The following KALRN variants were observed in gnomAD, a reference collection of about 807,000 sequenced individuals.
KALRN encodes kalirin RhoGEF kinase.
KALRN carries 70 observed loss-of-function variants against 353.7 expected under a neutral mutation model. The observed-to-expected ratio is 0.20, with a 90% CI of 0.16 to 0.24. The LOEUF (loss-of-function observed/expected upper bound fraction) is 0.24. Ranked by LOEUF, KALRN falls within the 10% of genes least tolerant of loss-of-function variation. KALRN has a pLI of 1.00. For missense variants in KALRN, 2,791 were observed against 3,756.7 expected (o/e 0.74, Z 6.72); for synonymous variants, 1,391 against 1,434.8 (o/e 0.97, Z 0.69).
At chr3:124,138,444 G>A (rs1050851104) in intron 1 of KALRN, among the ~76,000 whole-genome samples, 3 of 152,140 alleles carry the variant, frequency 2.0e-5, no homozygotes, top group Non-Finnish European at 2.9e-5. Flanking sequence ...GGGTTCTGGT[G>A]CTCAGAATAT....
rs532654267 is a variant in KALRN at position 124,134,728 on chromosome 3, C to T, written c.74-93262C>T. Reference sequence around the variant, plus strand: ...AAAGTGGGTTAAGGACATGAATAGACGATTCTCAAAAGAAGATACACAAAT... The same window carrying T: ...AAAGTGGGTTAAGGACATGAATAGATGATTCTCAAAAGAAGATACACAAAT... On this transcript the variant is annotated intron_variant, in intron 1 of 59. Transcript: ENST00000682506. Among the ~76,000 whole-genome samples the T allele has an allele frequency of 8.5e-5, 13 of 152,148 alleles. No individual in the cohort carries two copies. The East Asian group carries it at 1.7e-3, about 20-fold the overall frequency.
rs1491113771 is a variant in KALRN at position 124,701,386 on chromosome 3, TTC to T, written c.7997-650_7997-649del. 4.2e-3 allele frequency among the ~76,000 whole-genome samples: 498 copies of T among 118,234 alleles called. 13 individuals are homozygous for T. Among genetic ancestry groups the T allele is most frequent in the Middle Eastern group, 0.021 (5 of 242 alleles). The allele number at this position is 118,234 out of a possible 152,430, so 77.6% of individuals were successfully genotyped here. A position where few individuals can be genotyped will look rare whatever the true frequency, so the allele number is the denominator to read the frequency against. ...TAATTTTTTCTTTTTCTTTCTTTCTTTCTTTTTTTTTTTTTTTTGGAGACAGG... is the reference window on the plus strand; with the variant it reads ...TAATTTTTTCTTTTTCTTTCTTTCTTTTTTTTTTTTTTTTTTGGAGACAGG... On this transcript the variant is annotated intron_variant, in intron 56 of 59. Transcript: ENST00000682506.
chr3:124,711,683 T>C lies in KALRN; in HGVS notation c.8076-1252T>C, dbSNP rs754718009. Among the ~76,000 whole-genome samples, 47 of 152,196 alleles carry C rather than the reference T, an allele frequency of 3.1e-4. 1 individual carries two copies. Among genetic ancestry groups the C allele is most frequent in the Non-Finnish European group, 8.8e-5 (6 of 68,038 alleles). ...TGGGTAATTTTGTCAGATGCAATAA[T>C]GGCAGAGTGGTTGTATATTTCTAAG... is the stretch of plus-strand genomic sequence containing the variant. On this transcript the variant is annotated intron_variant, in intron 57 of 59. Transcript: ENST00000682506.
chr3:124,192,372 C>G (rs983875447), intron 1 of KALRN, among the ~76,000 whole-genome samples: 3 of 151,778 alleles, frequency 2.0e-5, no homozygotes, highest in Admixed American at 1.3e-4. Flanking sequence ...TTACTAGAGG[C>G]TGGGAAAGGT....
In KALRN at chr3:124,674,397, A is replaced by G. The variant is rs558112961; in HGVS notation, c.6976A>G (p.Met2326Val). ...DLGGCNGTSSMAVIKDYYALK... is the reference protein window; with the variant it reads ...DLGGCNGTSSVAVIKDYYALK... ...GGGAGGCTGCAATGGGACCTCGTCC[A>G]TGGCCGTGATCAAAGATTACTATGC... Residue 2326 changes from methionine to valine, a missense_variant, in exon 49 of 60, where the codon ATG becomes GTG. Met to Val is a conservative substitution (Grantham distance 21). This residue lies in a region of KALRN where 1,065 missense variants were observed against 1,156.4 expected (regional missense o/e 0.92). Coordinates refer to ENST00000682506, the MANE Select transcript of KALRN (RefSeq NM_001388419.1). The G allele has an allele frequency of 1.2e-6, 2 of 1,613,846 alleles. No individual in the cohort carries two copies. The highest frequency in any genetic ancestry group is 1.7e-6 in the Non-Finnish European group (2 of 1,179,940).
At position 124,264,873 on chromosome 3, in the gene KALRN, G is replaced by A. The variant is rs1289329073; in HGVS notation, c.456+183G>A. On this transcript the variant is annotated intron_variant, in intron 4 of 59. Transcript: ENST00000682506. ...ATGGGGAGGAACAAGAGGCTCACGA[G>A]ATTGTCCCAAATGCACACCTTCATT... 5.3e-5 allele frequency among the ~76,000 whole-genome samples: 8 copies of A among 152,204 alleles called. No individual in the cohort carries two copies. In the East Asian group the frequency reaches 1.5e-3, roughly 29 times the overall value.
chr3:124,638,761 G>A (rs2081662178), intron 37 of KALRN, among the ~76,000 whole-genome samples: 1 of 152,086 alleles, frequency 6.6e-6, no homozygotes, highest in Non-Finnish European at 1.5e-5. Flanking sequence ...CTCCAATGGG[G>A]GGGTGCCCTC....
chr3:124,035,779 A>G (rs1007466087), intron 1 of KALRN, among the ~76,000 whole-genome samples: 2 of 152,258 alleles, frequency 1.3e-5, no homozygotes, highest in Non-Finnish European at 2.9e-5. Context: ...GACTGGGGTC[A>G]GTCTCCTGTG....
intron 5 of KALRN, among the ~76,000 whole-genome samples, chr3:124,281,895 A>T (rs1174372840): frequency 6.6e-6 from 1 of 152,240 alleles, no homozygotes; most frequent in Non-Finnish European, 1.5e-5. Context: ...AAAACCTGTG[A>T]ACACTGAGCT....
intron 51 of KALRN, among the ~76,000 whole-genome samples, chr3:124,690,925 T>C (rs1262083003): frequency 6.6e-6 from 1 of 152,200 alleles, no homozygotes; most frequent in Non-Finnish European, 1.5e-5. Context: ...CGAATAAGAC[T>C]TAATTACTGG....
At chr3:124,414,352 C>T (rs2092377057) in intron 14 of KALRN, among the ~76,000 whole-genome samples, 1 of 152,184 alleles carries the variant, frequency 6.6e-6, no homozygotes, top group South Asian at 2.1e-4. Context: ...ATCCCTGCTG[C>T]CAGCACGCAT....
At chr3:124,279,728 G>A (rs1240607145) in intron 5 of KALRN, among the ~76,000 whole-genome samples, 1 of 152,224 alleles carries the variant, frequency 6.6e-6, no homozygotes, top group East Asian at 1.9e-4. Flanking sequence ...CGAGTACTGT[G>A]CCAGGGATGG....
intron 57 of KALRN, among the ~76,000 whole-genome samples, chr3:124,703,041 C>G (rs376194473): frequency 6.6e-6 from 1 of 152,066 alleles, no homozygotes; most frequent in East Asian, 1.9e-4. Context: ...GATCCTTCCC[C>G]CCGGATGTAT....
In KALRN at chr3:124,666,497, G is replaced by A. The variant is rs201076232; in HGVS notation, c.6394G>A (p.Val2132Met). The A allele has an allele frequency of 1.1e-5, 18 of 1,613,938 alleles. No homozygotes were observed. The highest frequency in any genetic ancestry group is 5.5e-5 in the South Asian group (5 of 91,076). Residue 2132 changes from valine (V) to methionine (M), a missense_variant, in exon 46 of 60, where the codon GTG (valine) becomes ATG (methionine). By Grantham distance (21) the Val-to-Met change is conservative. Transcript: ENST00000682506. Reference sequence around the variant, plus strand: ...GCTGCTGCAGCAGGACACATTCTATGTGATCGAGCTGGATGCAGGCATGCA... The same window carrying A: ...GCTGCTGCAGCAGGACACATTCTATATGATCGAGCTGGATGCAGGCATGCA... ...GKLLQQDTFY[V>M]IELDAGMQSR...
rs763702249 is a variant in KALRN, at chr3:124,650,880, C to T, written c.5737C>T (p.Pro1913Ser). ...AGCLNEGMAPPTPPKNPEEEQ... is the reference protein window; with the variant it reads ...AGCLNEGMAPSTPPKNPEEEQ... ...CTGCCTGAATGAGGGGATGGCCCCA[C>T]CCACACCTCCTAAAAACCCAGAAGA... The change falls in exon 38 of 60, where the codon CCC becomes TCC. Residue 1913 changes from proline (P) to serine (S), a missense_variant. Around this residue, in one of 11 missense-constraint regions of KALRN, gnomAD observed 1,065 missense variants for 1,156.4 expected, o/e 0.92. Transcript: ENST00000682506. The T allele has an allele frequency of 1.9e-6, 3 of 1,614,090 alleles. No individual in the cohort carries two copies. The highest frequency in any genetic ancestry group is 1.1e-5 in the South Asian group (1 of 91,086).
At position 124,702,125 on chromosome 3, in the gene KALRN, A is replaced by C. The variant is rs764982803; in HGVS notation, c.8075+9A>C. 1.6e-5 allele frequency: 25 copies of C among 1,588,664 alleles called. No individual in the cohort carries two copies. The highest frequency in any genetic ancestry group is 2.2e-5 in the Non-Finnish European group (25 of 1,157,762). The stretch of plus-strand genomic sequence containing the variant: ...CTGAATGAAATTGGAAGGTAATGAC[A>C]CAGTTTTATATTCCTTCATTCATGA... On this transcript the variant is annotated intron_variant, in intron 57 of 59. Coordinates refer to ENST00000682506, the MANE Select transcript of KALRN (RefSeq NM_001388419.1).
intron 1 of KALRN, among the ~76,000 whole-genome samples, chr3:124,143,760 G>A (rs1254901398): frequency 6.6e-6 from 1 of 152,194 alleles, no homozygotes; most frequent in East Asian, 1.9e-4. Context: ...TAACAATTTT[G>A]GTGTCCTAAA....
At chr3:124,304,125 TAAAC>T (rs2077485351) in intron 6 of KALRN, among the ~76,000 whole-genome samples, 1 of 55,586 alleles carries the variant, frequency 1.8e-5, no homozygotes, top group Non-Finnish European at 3.5e-5. Context: ...GATTTTGTTG[TAAAC>T]ACACACACAC....
intron 34 of KALRN, among the ~76,000 whole-genome samples, chr3:124,581,008 C>T (rs1019013172): frequency 3.1e-4 from 47 of 151,126 alleles, no homozygotes; most frequent in African/African-American, 1.1e-3. Flanking sequence ...AGGTTATAGA[C>T]ATTGGCTAGT....
Sources: allele counts gnomAD v4.1 joint callset (sites outside exome capture counted in the v4.1 genomes callset), GRCh38; gene constraint gnomAD v4.1.1; regional missense constraint gnomAD v4.1.1; transcripts MANE v1.5; gene names NCBI Gene and HGNC (gene_info 2026-07-23, HGNC 2026-07-21).